The following PTN variants were observed in gnomAD, a reference collection of about 807,000 sequenced individuals.
The protein encoded by PTN is pleiotrophin.
PTN carries 18 observed loss-of-function variants against 24.1 expected under a neutral mutation model. That is an observed-to-expected ratio of 0.75 (90% CI 0.52 to 1.11). The LOEUF is 1.11. PTN is among the 50% of genes least tolerant of loss of function. The pLI is 0.00. For missense variants in PTN, 163 were observed against 198.8 expected (o/e 0.82, Z 1.08); for synonymous variants, 78 against 68.6 (o/e 1.14, Z -0.67).
intron 4 of PTN, among the ~76,000 whole-genome samples, chr7:137,233,391 G>T (rs374814355): frequency 3.3e-5 from 5 of 151,912 alleles, no homozygotes; most frequent in East Asian, 1.9e-4. Flanking sequence ...AGTATCATGT[G>T]AGATTATGTC....
intron 1 of PTN, among the ~76,000 whole-genome samples, chr7:137,285,951 G>A (rs1809546977): frequency 6.6e-6 from 1 of 152,158 alleles, no homozygotes; most frequent in African/African-American, 2.4e-5. Context: ...TGAATTTTAT[G>A]TATATTCTAC....
intron 1 of PTN, among the ~76,000 whole-genome samples, chr7:137,286,313 C>G (rs948713447): frequency 6.6e-6 from 1 of 152,090 alleles, no homozygotes; most frequent in African/African-American, 2.4e-5. Flanking sequence ...AAATTAGTAC[C>G]TAAAGGCATG....
At chr7:137,303,793 C>T (rs146687527) in intron 1 of PTN, among the ~76,000 whole-genome samples, 35 of 151,972 alleles carry the variant, frequency 2.3e-4, no homozygotes, top group African/African-American at 7.7e-4. Flanking sequence ...ATGAGACAAC[C>T]GCTAAGAAAC....
intron 1 of PTN, among the ~76,000 whole-genome samples, chr7:137,314,047 T>C (rs1810028217): frequency 6.6e-6 from 1 of 152,220 alleles, no homozygotes; most frequent in Admixed American, 6.5e-5. Context: ...TTATTTATTA[T>C]ATTTTCATCT....
chr7:137,310,247 C>G (rs1213642985), intron 1 of PTN, among the ~76,000 whole-genome samples: 1 of 152,106 alleles, frequency 6.6e-6, no homozygotes, highest in African/African-American at 2.4e-5. Flanking sequence ...ATTCGGTAAA[C>G]CACGCTGTAA....
intron 3 of PTN, among the ~76,000 whole-genome samples, chr7:137,251,709 A>T (rs1808830794): frequency 6.6e-6 from 1 of 151,726 alleles, no homozygotes; most frequent in African/African-American, 2.4e-5. Flanking sequence ...CACCTCCTTA[A>T]TCCCCGGCAA....
At chr7:137,322,526 T>G (rs1159071219) in intron 1 of PTN, among the ~76,000 whole-genome samples, 5 of 149,868 alleles carry the variant, frequency 3.3e-5, no homozygotes, top group South Asian at 4.2e-4. Context: ...AAAATTATGG[T>G]TTTTTTTATG....
intron 4 of PTN, among the ~76,000 whole-genome samples, chr7:137,244,311 T>G (rs781757483): frequency 6.6e-6 from 1 of 151,904 alleles, no homozygotes; most frequent in Admixed American, 6.6e-5. Flanking sequence ...CATAAGAGCA[T>G]GAATATTCCC....
intron 1 of PTN, among the ~76,000 whole-genome samples, chr7:137,305,049 T>C (rs915406862): frequency 6.6e-6 from 1 of 151,948 alleles, no homozygotes; most frequent in Non-Finnish European, 1.5e-5. Flanking sequence ...CATAAGAAAG[T>C]GACGCAAATC....
intron 4 of PTN, among the ~76,000 whole-genome samples, chr7:137,230,788 C>T (rs548214554): frequency 9.2e-5 from 14 of 151,916 alleles, no homozygotes; most frequent in Non-Finnish European, 1.3e-4. Context: ...CTAGAAAGAA[C>T]GTGGTCCAAC....
chr7:137,234,279 G>T (rs542963980), intron 4 of PTN, among the ~76,000 whole-genome samples: 1 of 151,924 alleles, frequency 6.6e-6, no homozygotes, highest in East Asian at 1.9e-4. Flanking sequence ...TATAAATAAT[G>T]ATGCAATGCT....
intron 1 of PTN, among the ~76,000 whole-genome samples, chr7:137,291,967 C>T (rs953880724): frequency 6.6e-6 from 1 of 152,156 alleles, no homozygotes; most frequent in Admixed American, 6.5e-5. Flanking sequence ...TGGCATCCTC[C>T]TCTAATAACC....
At chr7:137,280,058 T>C (rs1184771488) in intron 1 of PTN, among the ~76,000 whole-genome samples, 2 of 152,206 alleles carry the variant, frequency 1.3e-5, no homozygotes, top group Non-Finnish European at 2.9e-5. Flanking sequence ...ATTGTCAACA[T>C]ACAGAATATG....
At position 137,299,541 on chromosome 7, in the gene PTN, G is replaced by A. The variant is rs970749001; in HGVS notation, c.-2+43898C>T. 3.1e-4 allele frequency among the ~76,000 whole-genome samples: 47 copies of A among 152,004 alleles called. No individual in the cohort carries two copies. In the Middle Eastern group the frequency reaches 0.027, roughly 88 times the overall value. On this transcript the variant is annotated intron_variant, in intron 1 of 4. Transcript: ENST00000348225. ...CTCTGAGACCATTTAATGGCACAGT[G>A]CAGAATAAAAAGAAGCTTTCCTCAT... is the stretch of plus-strand genomic sequence containing the variant.
intron 1 of PTN, among the ~76,000 whole-genome samples, chr7:137,315,666 C>G (rs1029267401): frequency 1.3e-5 from 2 of 152,162 alleles, no homozygotes; most frequent in Non-Finnish European, 2.9e-5. Flanking sequence ...CCGTCTCACA[C>G]CCCTTACTGA....
chr7:137,269,930 C>T (rs901119755), intron 1 of PTN, among the ~76,000 whole-genome samples: 5 of 152,142 alleles, frequency 3.3e-5, no homozygotes, highest in African/African-American at 9.6e-5. Flanking sequence ...CGCGCCCAGC[C>T]TGCTCCATCT....
intron 1 of PTN, among the ~76,000 whole-genome samples, chr7:137,332,372 A>T (rs997585525): frequency 2.0e-5 from 3 of 146,420 alleles, no homozygotes; most frequent in African/African-American, 7.5e-5. Context: ...TTTTCCTAAT[A>T]AGAAACATCA....
chr7:137,251,432 C>G, intron 3 of PTN, 41 bp from the exon 4 acceptor site: 1 of 1,590,656 alleles, frequency 6.3e-7, no homozygotes, highest in East Asian at 2.2e-5. Context: ...CTTGAAAGAT[C>G]CTATCGTACT....
intron 1 of PTN, among the ~76,000 whole-genome samples, chr7:137,266,158 G>A (rs193246511): frequency 6.6e-6 from 1 of 152,202 alleles, no homozygotes; most frequent in African/African-American, 2.4e-5. Flanking sequence ...AGAAAAACCT[G>A]TTGCATTTTT....
Sources: allele counts gnomAD v4.1 joint callset (sites outside exome capture counted in the v4.1 genomes callset), GRCh38; gene constraint gnomAD v4.1.1; transcripts MANE v1.5; gene names NCBI Gene and HGNC (gene_info 2026-07-23, HGNC 2026-07-21).